Variants in ERCC6L observed in about 807,000 individuals in gnomAD.
ERCC6L encodes the protein ERCC excision repair 6 like, spindle assembly checkpoint helicase, also known as DNA excision repair protein ERCC-6-like.
In ERCC6L, 7 loss-of-function variants were observed where a neutral mutation model predicts 20.1. The ratio of observed to expected loss-of-function variants is 0.35; its 90% CI spans 0.20 to 0.65. ERCC6L has a LOEUF of 0.65. ERCC6L is among the 30% of genes least tolerant of loss of function. The pLI is 0.69. For missense variants in ERCC6L, 592 were observed against 892.4 expected, an observed-to-expected ratio of 0.66 and a Z score of 4.29; for synonymous variants, 278 against 331.3, an observed-to-expected ratio of 0.84 and a Z score of 1.75.
At position 72,219,411 on chromosome X, in the gene ERCC6L, G is replaced by A. The variant is rs747964352; in HGVS notation, c.69-10713C>T. ...TCTACTAAAAATACAAAAATTAGCC[G>A]GGCGTGGTGGCCTGCGCCTGAAATC... On this transcript the variant is annotated intron_variant, in intron 1 of 1. Coordinates refer to ENST00000334463, the MANE Select transcript of ERCC6L (RefSeq NM_017669.4). Among the ~76,000 whole-genome samples the A allele has an allele frequency of 8.3e-5, 9 of 107,852 alleles. 1 individual carries two copies. In the South Asian group the frequency reaches 1.6e-3, roughly 20 times the overall value. 93.7% of individuals were successfully genotyped at this position (107,852 alleles called of 115,157 possible). A position where few individuals can be genotyped will look rare whatever the true frequency, so the allele number is the denominator to read the frequency against.
chrX:72,204,983 C>T lies in ERCC6L; in HGVS notation c.*31G>A, dbSNP rs373722830. On this transcript the variant is annotated 3_prime_UTR_variant, in exon 2 of 2. Coordinates refer to ENST00000334463, the MANE Select transcript of ERCC6L (RefSeq NM_017669.4). ...ACAAAAATTCCCTCATATTCAGTTT[C>T]ACTTTAAAATACAATAAACAGGTTA... 1.5e-4 allele frequency: 168 copies of T among 1,104,491 alleles called. No individual in the cohort carries two copies. The highest frequency in any genetic ancestry group is 2.0e-4 in the Admixed American group (7 of 35,443). The allele number at this position is 1,104,491 out of a possible 1,213,427, so 91.0% of individuals were successfully genotyped here.
chrX:72,216,034 C>G (rs1345014382), intron 1 of ERCC6L, among the ~76,000 whole-genome samples: 3 of 110,390 alleles, frequency 2.7e-5, no homozygotes, highest in African/African-American at 9.9e-5. Context: ...CACGGGAGTG[C>G]CCTGTACTAG....
In ERCC6L at chrX:72,207,405, T is replaced by C; in HGVS notation, c.1362A>G (p.Thr454=). The change falls in exon 2 of 2, where the codon ACA becomes ACG. Residue 454 remains threonine, a synonymous_variant. Transcript: ENST00000334463. ...VDHIDQVTDD[T]LMEESGKMIF... Reference sequence around the variant, plus strand: ...TCATTTTTCCAGATTCTTCCATCAATGTGTCATCAGTTACTTGATCAATAT... The same window carrying C: ...TCATTTTTCCAGATTCTTCCATCAACGTGTCATCAGTTACTTGATCAATAT... The C allele has an allele frequency of 8.3e-7, 1 of 1,211,438 alleles. No homozygotes were observed. The highest frequency in any genetic ancestry group is 1.1e-6 in the Non-Finnish European group (1 of 895,334).
chrX:72,210,001 A>G (rs779043875), intron 1 of ERCC6L, among the ~76,000 whole-genome samples: 1 of 109,167 alleles, frequency 9.2e-6, no homozygotes, highest in Non-Finnish European at 1.9e-5. Flanking sequence ...TAGGTGTAAA[A>G]ATCTTCATGA....
chrX:72,234,591 T>C lies in ERCC6L; in HGVS notation c.68+4253A>G, dbSNP rs1262790962. ...ATGAAAATAGGATCAAGAGAGGATT[T>C]TTTTTTTTAACAATGAAAGAATTGG... On this transcript the variant is annotated intron_variant, in intron 1 of 1. Transcript: ENST00000334463. Among the ~76,000 whole-genome samples the C allele has an allele frequency of 6.3e-5, 7 of 111,515 alleles. No individual in the cohort carries two copies. In the Admixed American group the frequency reaches 6.7e-4, roughly 11 times the overall value.
rs6625979 is a variant in ERCC6L, at chrX:72,204,868, G to A, written c.*146C>T. ...TGCTCAGAATACCAGACTATGGAGTGGGGGGCGTTGCAGGGCAGAAGTTGC... is the reference window on the plus strand; with the variant it reads ...TGCTCAGAATACCAGACTATGGAGTAGGGGGCGTTGCAGGGCAGAAGTTGC... On this transcript the variant is annotated 3_prime_UTR_variant, in exon 2 of 2. Transcript: ENST00000334463. The A allele has an allele frequency of 0.26, 104,395 of 406,412 alleles. 10,314 individuals are homozygous for A. The highest frequency in any genetic ancestry group is 0.52 in the East Asian group (12,805 of 24,782). 33.5% of individuals were successfully genotyped at this position (406,412 alleles called of 1,213,427 possible).
Position 72,206,355 on chromosome X carries a change from A to T in ERCC6L, c.2412T>A (p.Gly804=). The part of the protein sequence containing the change: ...VNVTTLQDGK[G]TGSADSIATL... ...TAGCTATAGAGTCAGCACTACCTGTACCTTTACCATCTTGCAAGGTGGTAA... is the reference window on the plus strand; with the variant it reads ...TAGCTATAGAGTCAGCACTACCTGTTCCTTTACCATCTTGCAAGGTGGTAA... The change falls in exon 2 of 2, where the codon GGT becomes GGA. Residue 804 remains glycine, a synonymous_variant. Transcript: ENST00000334463. 1 of 1,210,253 alleles carries T rather than the reference A, an allele frequency of 8.3e-7. No individual in the cohort carries two copies. Among genetic ancestry groups the T allele is most frequent in the Non-Finnish European group, 1.1e-6 (1 of 894,603 alleles).
rs2147583060 is a variant in ERCC6L, at chrX:72,207,220, C to T, written c.1547G>A (p.Arg516Gln). 3 of 1,211,214 alleles carry T rather than the reference C, an allele frequency of 2.5e-6. No individual in the cohort carries two copies. The South Asian group carries it at 5.3e-5, about 21-fold the overall frequency. The change falls in exon 2 of 2, where the codon CGA becomes CAA. Residue 516 changes from arginine to glutamine, a missense_variant. Arg to Gln is a conservative substitution (Grantham distance 43). This residue lies in a region of ERCC6L where 196 missense variants were observed against 440.1 expected (regional missense o/e 0.45). Coordinates refer to ENST00000334463, the MANE Select transcript of ERCC6L (RefSeq NM_017669.4). ...IDGTVTHLLE[R>Q]EKRINLFQQN... ...CTGGAATAAGTTAATTCTTTTTTCT[C>T]GTTCCAAAAGATGAGTAACTGTCCC...
intron 1 of ERCC6L, among the ~76,000 whole-genome samples, chrX:72,211,654 C>A (rs2042854779): frequency 9.0e-6 from 1 of 110,672 alleles, no homozygotes; most frequent in African/African-American, 3.3e-5. Context: ...GTGGCACACA[C>A]CTGTAGTCAG....
At chrX:72,219,076 T>C (rs1349276709) in intron 1 of ERCC6L, among the ~76,000 whole-genome samples, 1 of 111,191 alleles carries the variant, frequency 9.0e-6, no homozygotes, top group Admixed American at 9.5e-5. Flanking sequence ...GCCAACGCAG[T>C]GAAACCCCGT....
At chrX:72,234,871 C>A (rs752841009) in intron 1 of ERCC6L, among the ~76,000 whole-genome samples, 34 of 110,893 alleles carry the variant, frequency 3.1e-4, no homozygotes, top group African/African-American at 1.0e-3. Flanking sequence ...GTCTGAAAAG[C>A]AAGAAGGCAT....
Position 72,206,085 on chromosome X carries a change from A to G in ERCC6L, c.2682T>C (p.Asn894=). Residue 894 remains asparagine, a synonymous_variant, in exon 2 of 2, where the codon AAT becomes AAC. Transcript: ENST00000334463. ...LKDDEILRHC[N]PWPIISITNE... is the part of the protein sequence containing the mutation. ...TTGTTATGGAAATAATGGGCCAAGG[A>G]TTGCAATGACGTAAAATCTCATCAT... 1 of 1,211,132 alleles carries G rather than the reference A, an allele frequency of 8.3e-7. No individual in the cohort carries two copies. Among genetic ancestry groups the G allele is most frequent in the Non-Finnish European group, 1.1e-6 (1 of 895,016 alleles).
At position 72,205,788 on chromosome X, in the gene ERCC6L, C is replaced by T. The variant is rs2042815267; in HGVS notation, c.2979G>A (p.Val993=). ...CCCAACTGAGACATGTTTTGCTATGCACAAACCCTGCTCTGGAATTAGGTG... is the reference window on the plus strand; with the variant it reads ...CCCAACTGAGACATGTTTTGCTATGTACAAACCCTGCTCTGGAATTAGGTG... ...GSAPNSRAGF[V]HSKTCLSWEF... Residue 993 remains valine (V), a synonymous_variant, in exon 2 of 2, where the codon GTG becomes GTA. Transcript: ENST00000334463. 1.7e-6 allele frequency: 2 copies of T among 1,212,014 alleles called. No homozygotes were observed. The highest frequency in any genetic ancestry group is 2.2e-6 in the Non-Finnish European group (2 of 895,596).
Position 72,220,995 on chromosome X carries a change from T to C in ERCC6L, c.69-12297A>G, listed in dbSNP as rs774539670. Among the ~76,000 whole-genome samples, 4 of 111,963 alleles carry C rather than the reference T, an allele frequency of 3.6e-5. 1 individual carries two copies. In the South Asian group the frequency reaches 1.5e-3, roughly 42 times the overall value. On this transcript the variant is annotated intron_variant, in intron 1 of 1. Coordinates refer to ENST00000334463, the MANE Select transcript of ERCC6L (RefSeq NM_017669.4). The stretch of plus-strand genomic sequence containing the variant: ...TTAATTCCTGGATCCTGAGGGTCTC[T>C]GGTCACCTGCCCCGTCTTTTCTCTC...
chrX:72,204,919 C>G lies in ERCC6L; in HGVS notation c.*95G>C, dbSNP rs1031846048. ...TTTTTGAGATCTTTCTTGCCTTAAG[C>G]CTGAATGCTTCATGTTCCCAAAGAA... On this transcript the variant is annotated 3_prime_UTR_variant, in exon 2 of 2. Transcript: ENST00000334463. The G allele has an allele frequency of 2.4e-6, 2 of 818,091 alleles. No homozygotes were observed. The highest frequency in any genetic ancestry group is 3.4e-6 in the Non-Finnish European group (2 of 592,212). 67.4% of individuals were successfully genotyped at this position (818,091 alleles called of 1,213,427 possible).
rs773090021 is a variant in ERCC6L, at chrX:72,204,825, G to C, written c.*189C>G. On this transcript the variant is annotated 3_prime_UTR_variant, in exon 2 of 2. Transcript: ENST00000334463. Reference sequence around the variant, plus strand: ...GCCTAAAATATAAGAATATTCAAGTGAAGAAATATTAAGCTAGTGCTCAGA... The same window carrying C: ...GCCTAAAATATAAGAATATTCAAGTCAAGAAATATTAAGCTAGTGCTCAGA... The C allele has an allele frequency of 1.2e-5, 4 of 323,648 alleles. No homozygotes were observed. The highest frequency in any genetic ancestry group is 2.1e-5 in the Non-Finnish European group (4 of 188,380). The allele number at this position is 323,648 out of a possible 1,213,427, so 26.7% of individuals were successfully genotyped here.
At chrX:72,227,700 G>T (rs2042961428) in intron 1 of ERCC6L, among the ~76,000 whole-genome samples, 1 of 111,261 alleles carries the variant, frequency 9.0e-6, no homozygotes, top group East Asian at 2.8e-4. Context: ...TCTCATAAAA[G>T]ATCCCAGTCC....
At chrX:72,211,664 G>C (rs1017035495) in intron 1 of ERCC6L, among the ~76,000 whole-genome samples, 1 of 110,836 alleles carries the variant, frequency 9.0e-6, no homozygotes, top group African/African-American at 3.3e-5. Flanking sequence ...CCTGTAGTCA[G>C]TCCCAGCTAT....
At chrX:72,211,891 G>A (rs1361995761) in intron 1 of ERCC6L, among the ~76,000 whole-genome samples, 1 of 111,897 alleles carries the variant, frequency 8.9e-6, no homozygotes, top group East Asian at 2.8e-4. Flanking sequence ...CTACACTTTC[G>A]CTGGCAAAAC....
Sources: allele counts gnomAD v4.1 joint callset (sites outside exome capture counted in the v4.1 genomes callset), GRCh38; gene constraint gnomAD v4.1.1; regional missense constraint gnomAD v4.1.1; transcripts MANE v1.5; gene names NCBI Gene and HGNC (gene_info 2026-07-23, HGNC 2026-07-21).